Variants in TRAPPC10 observed in about 807,000 individuals in gnomAD.
TRAPPC10 encodes the protein trafficking protein particle complex subunit 10, also known as TRAPP 130 kDa subunit.
Under a neutral mutation model 125.5 loss-of-function variants are expected in TRAPPC10, and 23 were observed. That is an observed-to-expected ratio of 0.18 (90% CI 0.13 to 0.26). TRAPPC10 has a LOEUF of 0.26. Ranked by LOEUF, TRAPPC10 falls within the 10% of genes least tolerant of loss-of-function variation. The probability of loss-of-function intolerance (pLI) is 1.00; values close to 1 mark genes in which losing one functional copy is unlikely to be tolerated. For synonymous variants in TRAPPC10, 509 were observed against 518.0 expected (o/e 0.98, Z 0.24); for missense variants, 1,123 against 1,308.4 (o/e 0.86, Z 2.19).
chr21:44,062,947 T>C (rs2145918696), intron 6 of TRAPPC10: 2 of 1,290,180 alleles, frequency 1.6e-6, no homozygotes, highest in Non-Finnish European at 1.0e-6. Flanking sequence ...ATTTGAGTCT[T>C]AGGGATGTAA....
At chr21:44,055,617 C>T (rs2035532857) in intron 4 of TRAPPC10, 81 bp from the exon 5 acceptor site, 11 of 1,163,386 alleles carry the variant, frequency 9.5e-6, no homozygotes, top group Admixed American at 4.6e-5. Flanking sequence ...AGAAAATTGC[C>T]GCTCAGGACA....
At chr21:44,034,850 GC>G (rs1285748284) in intron 2 of TRAPPC10, among the ~76,000 whole-genome samples, 5 of 152,200 alleles carry the variant, frequency 3.3e-5, no homozygotes, top group Non-Finnish European at 7.3e-5. Flanking sequence ...GTGTTCATGA[GC>G]CGAAGAATGC....
chr21:44,047,447 G>GAGC (rs2034914127), intron 3 of TRAPPC10, among the ~76,000 whole-genome samples: 3 of 152,108 alleles, frequency 2.0e-5, no homozygotes, highest in Admixed American at 2.0e-4. Context: ...TTACAGGCAT[G>GAGC]AGCCACTGCA....
At position 44,083,048 on chromosome 21, in the gene TRAPPC10, G is replaced by T. The variant is rs149129671; in HGVS notation, c.1984G>T (p.Ala662Ser). 2 of 1,613,998 alleles carry T rather than the reference G, an allele frequency of 1.2e-6. No individual in the cohort carries two copies. Among genetic ancestry groups the T allele is most frequent in the African/African-American group, 1.3e-5 (1 of 74,962 alleles). ...NGIINFPPET[A>S]PFPVSQNSLP... is the part of the protein sequence containing the mutation. ...GATCATTAACTTTCCACCCGAGACC[G>T]CACCTTTCCCTGTATCCCAAAACAG... The change falls in exon 14 of 23, where the codon GCA (alanine) becomes TCA (serine). Residue 662 changes from alanine to serine, a missense_variant. Physicochemically the swap from Ala to Ser is moderately conservative, Grantham distance 99. This residue lies in a region of TRAPPC10 where 840 missense variants were observed against 902.0 expected (regional missense o/e 0.93). Coordinates refer to ENST00000291574, the MANE Select transcript of TRAPPC10 (RefSeq NM_003274.5).
intron 1 of TRAPPC10, 86 bp downstream of exon 1, chr21:44,012,646 A>G (rs2031253977): frequency 1.6e-6 from 2 of 1,238,204 alleles, no homozygotes; most frequent in Non-Finnish European, 2.2e-6. Flanking sequence ...CCAGACCTTC[A>G]GCCCCCGGCG....
chr21:44,058,849 AG>A (rs1205328792), intron 5 of TRAPPC10, among the ~76,000 whole-genome samples: 1 of 152,128 alleles, frequency 6.6e-6, no homozygotes, highest in African/African-American at 2.4e-5. Flanking sequence ...TCCCAAGGAC[AG>A]GGGGGTGACC....
intron 2 of TRAPPC10, among the ~76,000 whole-genome samples, chr21:44,036,265 A>G (rs549703404): frequency 6.6e-6 from 1 of 152,360 alleles, no homozygotes; most frequent in Non-Finnish European, 1.5e-5. Context: ...AGTGCAACAT[A>G]AAATACATTT....
chr21:44,012,586 G>A (rs2031236193), intron 1 of TRAPPC10, 26 bp downstream of exon 1: 2 of 1,526,178 alleles, frequency 1.3e-6, no homozygotes, highest in African/African-American at 1.4e-5. Context: ...CGGGGAGGGC[G>A]CGGCGGTCGT....
At chr21:44,039,121 G>A (rs1356695779) in intron 3 of TRAPPC10, among the ~76,000 whole-genome samples, 3 of 152,180 alleles carry the variant, frequency 2.0e-5, no homozygotes, top group Non-Finnish European at 4.4e-5. Flanking sequence ...GTCCCCTTGC[G>A]ATCAGTAATC....
At chr21:44,069,197 T>C (rs1255402576) in intron 7 of TRAPPC10, among the ~76,000 whole-genome samples, 1 of 152,138 alleles carries the variant, frequency 6.6e-6, no homozygotes, top group Non-Finnish European at 1.5e-5. Context: ...TAAACATCAG[T>C]GCTTCTCTTC....
chr21:44,044,403 T>C (rs2034631391), intron 3 of TRAPPC10, among the ~76,000 whole-genome samples: 1 of 152,078 alleles, frequency 6.6e-6, no homozygotes, highest in Non-Finnish European at 1.5e-5. Flanking sequence ...AGTAAAACTC[T>C]GTTATGTTGA....
Position 44,055,784 on chromosome 21 carries a change from T to G in TRAPPC10, c.569T>G (p.Leu190Arg). 1 of 1,614,056 alleles carries G rather than the reference T, an allele frequency of 6.2e-7. No homozygotes were observed. The change falls in exon 5 of 23, where the codon CTT becomes CGT. Residue 190 changes from leucine to arginine, a missense_variant. By Grantham distance (102) the Leu-to-Arg change is moderately radical (BLOSUM62 -2). This residue lies in a region of TRAPPC10 where 177 missense variants were observed against 228.9 expected (regional missense o/e 0.77). Transcript: ENST00000291574. ...TTCCTGACCAAACTCAGGACATTGC[T>G]TCTTATGTCTTTTACCAAAAACCTA... ...NAFLTKLRTL[L>R]LMSFTKNLGK...
At chr21:44,078,693 G>T (rs1225146556) in intron 11 of TRAPPC10, among the ~76,000 whole-genome samples, 1 of 152,226 alleles carries the variant, frequency 6.6e-6, no homozygotes, top group East Asian at 1.9e-4. Flanking sequence ...TGTATCTGAA[G>T]AGGAAGGTGC....
chr21:44,069,987 G>A (rs1255801593), intron 7 of TRAPPC10, among the ~76,000 whole-genome samples: 7 of 151,874 alleles, frequency 4.6e-5, no homozygotes, highest in Admixed American at 2.0e-4. Context: ...TCTGCCTCCC[G>A]GGTTGAAGCG....
intron 11 of TRAPPC10, among the ~76,000 whole-genome samples, chr21:44,078,883 C>A (rs1809458815): frequency 6.6e-6 from 1 of 152,198 alleles, no homozygotes; most frequent in Admixed American, 6.5e-5. Flanking sequence ...GAGTTTGAGA[C>A]TGCAGTGAGC....
intron 7 of TRAPPC10, among the ~76,000 whole-genome samples, chr21:44,072,762 C>G (rs2036974495): frequency 6.6e-6 from 1 of 152,184 alleles, no homozygotes; most frequent in Non-Finnish European, 1.5e-5. Context: ...CCGCGCCCGG[C>G]CTCTCCTAGG....
intron 1 of TRAPPC10, among the ~76,000 whole-genome samples, chr21:44,023,025 C>CTTTTTTTTT (rs1028804319): frequency 9.8e-4 from 79 of 80,240 alleles, no homozygotes; most frequent in African/African-American, 2.2e-3. Context: ...TTCCCTATGT[C>CTTTTTTTTT]TTTTTTTTTT....
At position 44,053,422 on chromosome 21, in the gene TRAPPC10, A is replaced by G. The variant is rs189276332; in HGVS notation, c.482+946A>G. On this transcript the variant is annotated intron_variant, in intron 4 of 22. Coordinates refer to ENST00000291574, the MANE Select transcript of TRAPPC10 (RefSeq NM_003274.5). ...ACAATAAATGCATTTCCAGACTCTC[A>G]GTGTTAGTGAGTGGATAATATTCCA... Among the ~76,000 whole-genome samples, 6 of 152,222 alleles carry G rather than the reference A, an allele frequency of 3.9e-5. No individual in the cohort carries two copies. The East Asian group carries it at 1.2e-3, about 29-fold the overall frequency.
At chr21:44,093,986 T>G in intron 19 of TRAPPC10, 77 bp from the exon 20 acceptor site, 2 of 1,446,344 alleles carry the variant, frequency 1.4e-6, no homozygotes, top group Non-Finnish European at 1.9e-6. Context: ...TCGCATGGCG[T>G]GTGTTTCGCT....
Sources: allele counts gnomAD v4.1 joint callset (sites outside exome capture counted in the v4.1 genomes callset), GRCh38; gene constraint gnomAD v4.1.1; regional missense constraint gnomAD v4.1.1; transcripts MANE v1.5; gene names NCBI Gene and HGNC (gene_info 2026-07-23, HGNC 2026-07-21).